The following WDPCP variants were observed in gnomAD, a reference collection of about 807,000 sequenced individuals.
The protein encoded by WDPCP is WD repeat-containing and planar cell polarity effector protein fritz homolog.
In WDPCP, 71 loss-of-function variants were observed where a neutral mutation model predicts 93.1. The observed-to-expected ratio is 0.76, with a 90% CI of 0.63 to 0.93. The LOEUF (loss-of-function observed/expected upper bound fraction) is 0.93. Among genes scored for constraint, WDPCP ranks in the 40% least tolerant of loss-of-function variants. The pLI, the probability that WDPCP is intolerant of heterozygous loss-of-function variation, is 0.00. For synonymous variants in WDPCP, 315 were observed against 315.0 expected, an observed-to-expected ratio of 1.00 and a Z score of 0.00; for missense variants, 844 against 887.4, an observed-to-expected ratio of 0.95 and a Z score of 0.62.
chr2:63,323,759 G>C (rs963631969), intron 12 of WDPCP, among the ~76,000 whole-genome samples: 2 of 151,994 alleles, frequency 1.3e-5, no homozygotes. Flanking sequence ...ACAGGCAAGG[G>C]TGCAGGTTTT....
chr2:63,538,346 G>T (rs893698318), intron 1 of WDPCP, among the ~76,000 whole-genome samples: 1 of 152,136 alleles, frequency 6.6e-6, no homozygotes, highest in Non-Finnish European at 1.5e-5. Context: ...TCATTAATAT[G>T]CTAGTGTAGA....
At chr2:63,377,408 C>T (rs942047522) in intron 12 of WDPCP, among the ~76,000 whole-genome samples, 2 of 151,328 alleles carry the variant, frequency 1.3e-5, no homozygotes, top group African/African-American at 2.4e-5. Flanking sequence ...CATTGTATAA[C>T]ATGTCATATA....
intron 2 of WDPCP, among the ~76,000 whole-genome samples, chr2:63,491,259 C>G (rs1700859184): frequency 6.6e-6 from 1 of 152,066 alleles, no homozygotes; most frequent in Non-Finnish European, 1.5e-5. Flanking sequence ...ACCCATTCAC[C>G]TATTCATTTT....
chr2:63,221,193 G>C (rs930470840), intron 14 of WDPCP, among the ~76,000 whole-genome samples: 1 of 152,154 alleles, frequency 6.6e-6, no homozygotes, highest in African/African-American at 2.4e-5. Context: ...CAGGAGTGTT[G>C]TCTATATCAT....
chr2:63,624,366 C>G (rs1709783907), intron 3 of WDPCP, among the ~76,000 whole-genome samples: 2 of 151,922 alleles, frequency 1.3e-5, no homozygotes, highest in African/African-American at 4.8e-5. Context: ...ACAGAAAAAC[C>G]CTTCAAGGAA....
At position 63,416,200 on chromosome 2, in the gene WDPCP, CT is replaced by C. The variant is rs70965129; in HGVS notation, c.826-11544del. ...GCTGTTGCATGAAATCTTTTTTTTC[CT>C]TTTTTTTTTTTCTTTTGAAACAGAG... On this transcript the variant is annotated intron_variant, in intron 9 of 17. Transcript: ENST00000272321. 3.5e-4 allele frequency among the ~76,000 whole-genome samples: 51 copies of C among 147,736 alleles called. No homozygotes were observed. The South Asian group carries it at 3.6e-3, about 10-fold the overall frequency.
At chr2:63,529,292 A>C (rs536685980) in intron 1 of WDPCP, among the ~76,000 whole-genome samples, 144 of 152,202 alleles carry the variant, frequency 9.5e-4, no homozygotes, top group Non-Finnish European at 1.6e-3. Flanking sequence ...TGTCTTGTGC[A>C]AGTTTTCAAA....
chr2:63,727,489 A>T (rs1669508998), intron 2 of WDPCP, among the ~76,000 whole-genome samples: 1 of 152,058 alleles, frequency 6.6e-6, no homozygotes, highest in Non-Finnish European at 1.5e-5. Context: ...CTCATCAGGG[A>T]TATTGGCCTG....
intron 1 of WDPCP, among the ~76,000 whole-genome samples, chr2:63,516,380 T>G (rs1702551228): frequency 1.3e-5 from 2 of 152,192 alleles, no homozygotes; most frequent in African/African-American, 4.8e-5. Flanking sequence ...TCTACTGATT[T>G]ATTAAACACT....
intron 9 of WDPCP, among the ~76,000 whole-genome samples, chr2:63,413,227 A>C (rs1449253484): frequency 1.3e-5 from 2 of 152,230 alleles, no homozygotes; most frequent in Non-Finnish European, 1.5e-5. Context: ...AAATACTTAC[A>C]GCCAACTGAT....
At chr2:63,735,154 T>C (rs1558898141) in intron 2 of WDPCP, among the ~76,000 whole-genome samples, 1 of 152,174 alleles carries the variant, frequency 6.6e-6, no homozygotes, top group Non-Finnish European at 1.5e-5. Flanking sequence ...GAAAGTAAGA[T>C]ATGAATACAA....
chr2:63,455,429 T>TACAC (rs1340632143), intron 6 of WDPCP, among the ~76,000 whole-genome samples: 148 of 149,154 alleles, frequency 9.9e-4, no homozygotes, highest in African/African-American at 3.0e-3. Flanking sequence ...TATATATATA[T>TACAC]ATATATATAT....
chr2:63,549,185 G>A (rs1385370089), intron 1 of WDPCP, among the ~76,000 whole-genome samples: 1 of 148,738 alleles, frequency 6.7e-6, no homozygotes, highest in Non-Finnish European at 1.5e-5. Context: ...GGGAGGCGGA[G>A]GCTGCAGTGA....
intron 6 of WDPCP, chr2:63,442,298 T>C (rs1004467262): frequency 1.3e-5 from 2 of 152,188 alleles, no homozygotes; most frequent in African/African-American, 4.8e-5. Context: ...ATCTACTTCA[T>C]AGGATGAGGA....
At chr2:63,435,395 G>A (rs1213356156) in intron 8 of WDPCP, among the ~76,000 whole-genome samples, 1 of 152,086 alleles carries the variant, frequency 6.6e-6, no homozygotes, top group Non-Finnish European at 1.5e-5. Context: ...TGTACTTTAT[G>A]CTATTAAGTG....
intron 17 of WDPCP, among the ~76,000 whole-genome samples, chr2:63,150,145 A>G (rs1490975396): frequency 6.6e-6 from 1 of 152,190 alleles, no homozygotes; most frequent in Admixed American, 6.5e-5. Flanking sequence ...GGGGACTTCA[A>G]AGGTACCGGT....
At chr2:63,648,216 TC>T (rs1481114052) in intron 3 of WDPCP, among the ~76,000 whole-genome samples, 1 of 152,112 alleles carries the variant, frequency 6.6e-6, no homozygotes, top group Non-Finnish European at 1.5e-5. Context: ...TTTACTCTTA[TC>T]CCCCTAAGTT....
chr2:63,293,011 G>T (rs1045158226), intron 13 of WDPCP, among the ~76,000 whole-genome samples: 2 of 152,158 alleles, frequency 1.3e-5, no homozygotes, highest in Non-Finnish European at 2.9e-5. Flanking sequence ...AAAACATAGG[G>T]GTTCTGTGCT....
In WDPCP at chr2:63,300,264, A is replaced by G. The variant is rs751103453; in HGVS notation, c.1812+12984T>C. On this transcript the variant is annotated intron_variant, in intron 13 of 17. Transcript: ENST00000272321. ...CCCTAAATTTTCCTGGTGCATGACA[A>G]TGAACCCCAGGGTTTATAACCCAGA... Among the ~76,000 whole-genome samples, 12 of 152,096 alleles carry G rather than the reference A, an allele frequency of 7.9e-5. No homozygotes were observed. The East Asian group carries it at 2.1e-3, about 27-fold the overall frequency.
Sources: allele counts gnomAD v4.1 joint callset (sites outside exome capture counted in the v4.1 genomes callset), GRCh38; gene constraint gnomAD v4.1.1; transcripts MANE v1.5; gene names NCBI Gene and HGNC (gene_info 2026-07-23, HGNC 2026-07-21).